The following EXT1 variants were observed in gnomAD, a reference collection of about 807,000 sequenced individuals.
EXT1 encodes the protein exostosin glycosyltransferase 1, also known as exostosin-1.
A neutral mutation model predicts 82.5 loss-of-function variants in EXT1; 20 were observed. The observed-to-expected ratio is 0.24, with a 90% CI of 0.17 to 0.35. The LOEUF (loss-of-function observed/expected upper bound fraction) is 0.35. Ranked by LOEUF, EXT1 falls within the 10% of genes least tolerant of loss-of-function variation. EXT1 has a pLI of 1.00. For missense variants in EXT1, 757 were observed against 936.5 expected (o/e 0.81, Z 2.50); for synonymous variants, 348 against 350.8 (o/e 0.99, Z 0.09).
At chr8:118,083,946 T>C (rs923275860) in intron 1 of EXT1, among the ~76,000 whole-genome samples, 3 of 152,224 alleles carry the variant, frequency 2.0e-5, no homozygotes, top group East Asian at 3.9e-4. Context: ...GGAGAATTGC[T>C]TGAACCCGGG....
rs748795524 is a variant in EXT1 at position 118,110,273 on chromosome 8, A to T, written c.774T>A (p.Pro258=). The change falls in exon 1 of 11, where the codon CCT becomes CCA. Residue 258 remains proline, a synonymous_variant. Transcript: ENST00000378204. ...RGFLKFNTIP[P]LRKYMLVFKG... ...TGAATACCAGCATGTACTTCCTGAG[A>T]GGAGGGATGGTGTTGAACTTCAAAA... is the stretch of plus-strand genomic sequence containing the variant. 27 of 1,613,962 alleles carry T rather than the reference A, an allele frequency of 1.7e-5. No homozygotes were observed. The highest frequency in any genetic ancestry group is 2.2e-5 in the Non-Finnish European group (26 of 1,180,046).
intron 1 of EXT1, among the ~76,000 whole-genome samples, chr8:117,882,308 C>T (rs1270516904): frequency 6.6e-6 from 1 of 152,142 alleles, no homozygotes. Context: ...GTCTCGAACT[C>T]CTGACCTCAA....
chr8:118,052,729 T>C (rs1227308604), intron 1 of EXT1, among the ~76,000 whole-genome samples: 2 of 152,210 alleles, frequency 1.3e-5, no homozygotes, highest in African/African-American at 2.4e-5. Flanking sequence ...GCAGCATAGG[T>C]TCATTAGATC....
intron 1 of EXT1, among the ~76,000 whole-genome samples, chr8:117,894,434 C>T (rs1276852965): frequency 6.6e-6 from 1 of 152,134 alleles, no homozygotes; most frequent in Non-Finnish European, 1.5e-5. Context: ...TTGATTACAG[C>T]AGAAGGTTCC....
chr8:117,926,059 T>C (rs889993564), intron 1 of EXT1, among the ~76,000 whole-genome samples: 2 of 152,348 alleles, frequency 1.3e-5, no homozygotes, highest in African/African-American at 2.4e-5. Context: ...ATCAAGTCCA[T>C]AGAAGAGACC....
chr8:117,964,776 T>A (rs995080211), intron 1 of EXT1, among the ~76,000 whole-genome samples: 1 of 152,172 alleles, frequency 6.6e-6, no homozygotes, highest in Non-Finnish European at 1.5e-5. Flanking sequence ...TAGCTAGGAT[T>A]ACAGGCGTGT....
intron 8 of EXT1, among the ~76,000 whole-genome samples, chr8:117,807,771 A>C (rs1823260652): frequency 6.6e-6 from 1 of 152,218 alleles, no homozygotes; most frequent in African/African-American, 2.4e-5. Context: ...ATGTATATCC[A>C]AAGAATGAAT....
intron 1 of EXT1, among the ~76,000 whole-genome samples, chr8:117,883,334 C>T (rs961115026): frequency 1.3e-5 from 2 of 152,192 alleles, no homozygotes; most frequent in African/African-American, 2.4e-5. Context: ...TTGACATCAT[C>T]CCCTGGTCAA....
At chr8:118,057,133 A>G (rs1816806318) in intron 1 of EXT1, among the ~76,000 whole-genome samples, 1 of 152,184 alleles carries the variant, frequency 6.6e-6, no homozygotes, top group Non-Finnish European at 1.5e-5. Flanking sequence ...CCCTCATCAC[A>G]TAATAGATGC....
At chr8:118,036,364 A>G (rs1005812191) in intron 1 of EXT1, among the ~76,000 whole-genome samples, 1 of 150,830 alleles carries the variant, frequency 6.6e-6, no homozygotes, top group Non-Finnish European at 1.5e-5. Flanking sequence ...TATAGTCTCC[A>G]TATCTCTCAG....
At chr8:117,967,123 C>A (rs1814834293) in intron 1 of EXT1, among the ~76,000 whole-genome samples, 1 of 152,178 alleles carries the variant, frequency 6.6e-6, no homozygotes, top group African/African-American at 2.4e-5. Flanking sequence ...TCATAACACA[C>A]CATAAAGGTC....
At position 118,110,518 on chromosome 8, in the gene EXT1, T is replaced by C. The variant is rs762291120; in HGVS notation, c.529A>G (p.Lys177Glu). The change falls in exon 1 of 11, where the codon AAA becomes GAA. Residue 177 changes from lysine to glutamate, a missense_variant. Around this residue, in one of 4 missense-constraint regions of EXT1, gnomAD observed 247 missense variants for 330.1 expected, o/e 0.75. Coordinates refer to ENST00000378204, the MANE Select transcript of EXT1 (RefSeq NM_000127.3). ...TTCCACAAGTGGAGACTCTGCACTTTGGATCTCAAATTGTGCACATACTGA... is the reference window on the plus strand; with the variant it reads ...TTCCACAAGTGGAGACTCTGCACTTCGGATCTCAAATTGTGCACATACTGA... ...SPQYVHNLRS[K>E]VQSLHLWNNG... The C allele has an allele frequency of 3.1e-6, 5 of 1,614,152 alleles. No individual in the cohort carries two copies. The highest frequency in any genetic ancestry group is 3.4e-6 in the Non-Finnish European group (4 of 1,180,024).
At chr8:117,854,792 A>G (rs1475745277) in intron 1 of EXT1, among the ~76,000 whole-genome samples, 2 of 152,182 alleles carry the variant, frequency 1.3e-5, no homozygotes, top group Admixed American at 1.3e-4. Flanking sequence ...AGATGTGATA[A>G]TTTGCCCAGA....
At chr8:117,953,904 C>T (rs535080477) in intron 1 of EXT1, among the ~76,000 whole-genome samples, 7 of 151,810 alleles carry the variant, frequency 4.6e-5, no homozygotes, top group East Asian at 1.9e-4. Context: ...AGCAAGACTC[C>T]ACCTCAACAA....
At chr8:117,992,739 G>A (rs1343348574) in intron 1 of EXT1, among the ~76,000 whole-genome samples, 1 of 152,198 alleles carries the variant, frequency 6.6e-6, no homozygotes, top group Non-Finnish European at 1.5e-5. Flanking sequence ...GGAGGCAGTG[G>A]AGATGGCTCT....
chr8:117,988,704 C>G (rs962604552), intron 1 of EXT1, among the ~76,000 whole-genome samples: 2 of 152,050 alleles, frequency 1.3e-5, no homozygotes, highest in African/African-American at 4.8e-5. Flanking sequence ...CCATGCTGCC[C>G]CCAGGGAAGT....
At chr8:117,814,854 C>T (rs575866255) in intron 7 of EXT1, among the ~76,000 whole-genome samples, 27 of 152,178 alleles carry the variant, frequency 1.8e-4, no homozygotes, top group Non-Finnish European at 3.2e-4. Context: ...GGAGCCAGCT[C>T]ATCTGCAGGC....
intron 1 of EXT1, among the ~76,000 whole-genome samples, chr8:118,085,833 G>T (rs1473132400): frequency 6.6e-6 from 1 of 152,034 alleles, no homozygotes; most frequent in Non-Finnish European, 1.5e-5. Context: ...AACAAATTTT[G>T]TGTCACTGTG....
At chr8:117,984,706 TG>T (rs1815279603) in intron 1 of EXT1, among the ~76,000 whole-genome samples, 1 of 152,044 alleles carries the variant, frequency 6.6e-6, no homozygotes, top group Non-Finnish European at 1.5e-5. Context: ...ATGATCTGAC[TG>T]GACACACCAA....
Sources: allele counts gnomAD v4.1 joint callset (sites outside exome capture counted in the v4.1 genomes callset), GRCh38; gene constraint gnomAD v4.1.1; regional missense constraint gnomAD v4.1.1; transcripts MANE v1.5; gene names NCBI Gene and HGNC (gene_info 2026-07-23, HGNC 2026-07-21).